Variants in HEMK2 observed in about 807,000 individuals in gnomAD.
HEMK2 encodes the protein HemK methyltransferase 2, ETF1 glutamine and histone H4 lysine, also known as methyltransferase HEMK2.
chr21:28,642,247 G>A, the HEMK2 span, among the ~76,000 whole-genome samples: 2 of 152,124 alleles, frequency 1.3e-5, no homozygotes, highest in Non-Finnish European at 2.9e-5. Context: ...TTGAAAAGCT[G>A]AAATCCTAAC....
the HEMK2 span, among the ~76,000 whole-genome samples, chr21:28,782,276 T>A: frequency 6.6e-6 from 1 of 152,230 alleles, no homozygotes; most frequent in African/African-American, 2.4e-5. Context: ...CACCTAATAC[T>A]ATAATATACA....
At chr21:28,831,572 AAAG>A in the HEMK2 span, among the ~76,000 whole-genome samples, 3 of 76,754 alleles carry the variant, frequency 3.9e-5, no homozygotes, top group Non-Finnish European at 6.9e-5. Context: ...AGAAGGAAAG[AAAG>A]AAAGAAGGAA....
the HEMK2 span, among the ~76,000 whole-genome samples, chr21:28,599,298 A>T: frequency 6.6e-6 from 1 of 152,174 alleles, no homozygotes; most frequent in African/African-American, 2.4e-5. Flanking sequence ...AGTTTAATGG[A>T]TTCACAGTTC....
the HEMK2 span, among the ~76,000 whole-genome samples, chr21:28,706,010 A>T: frequency 6.6e-6 from 1 of 152,188 alleles, no homozygotes; most frequent in African/African-American, 2.4e-5. Context: ...TTAATATCAC[A>T]TCTTCAAAGT....
chr21:28,704,095 A>T, the HEMK2 span, among the ~76,000 whole-genome samples: 1 of 152,144 alleles, frequency 6.6e-6, no homozygotes, highest in Non-Finnish European at 1.5e-5. Context: ...ACCCCTTGAT[A>T]TATAAACAGT....
chr21:28,852,633 C>T, the HEMK2 span, among the ~76,000 whole-genome samples: 1 of 152,124 alleles, frequency 6.6e-6, no homozygotes, highest in Non-Finnish European at 1.5e-5. Flanking sequence ...GGGGTCCTTA[C>T]ACAAAAAGAC....
the HEMK2 span, among the ~76,000 whole-genome samples, chr21:28,741,409 A>T: frequency 6.6e-6 from 1 of 152,164 alleles, no homozygotes; most frequent in Non-Finnish European, 1.5e-5. Flanking sequence ...TTATTTTAAG[A>T]TTTTAAGTTC....
chr21:28,773,999 A>G, the HEMK2 span, among the ~76,000 whole-genome samples: 2 of 152,124 alleles, frequency 1.3e-5, no homozygotes, highest in Non-Finnish European at 2.9e-5. Context: ...TTTCCTTATC[A>G]TTTGCAATTC....
At chr21:28,840,030 T>C in the HEMK2 span, among the ~76,000 whole-genome samples, 1 of 152,088 alleles carries the variant, frequency 6.6e-6, no homozygotes, top group African/African-American at 2.4e-5. Flanking sequence ...CAAAGACCAA[T>C]GGAACAGAAG....
chr21:28,734,157 C>A, the HEMK2 span, among the ~76,000 whole-genome samples: 1 of 152,306 alleles, frequency 6.6e-6, no homozygotes, highest in African/African-American at 2.4e-5. Context: ...GCTTCACACA[C>A]CTGCCTGATT....
the HEMK2 span, among the ~76,000 whole-genome samples, chr21:28,802,678 CTGAGA>C: frequency 3.4e-4 from 52 of 152,274 alleles, no homozygotes; most frequent in African/African-American, 1.1e-3. Flanking sequence ...TTGCAGTGAG[CTGAGA>C]TAACATCACT....
chr21:28,634,264 G>C, the HEMK2 span, among the ~76,000 whole-genome samples: 1 of 152,142 alleles, frequency 6.6e-6, no homozygotes, highest in Admixed American at 6.5e-5. Flanking sequence ...AGTGTGCAAG[G>C]GGGGAATCCT....
chr21:28,852,316 T>C, the HEMK2 span, among the ~76,000 whole-genome samples: 3 of 152,228 alleles, frequency 2.0e-5, no homozygotes, highest in Non-Finnish European at 4.4e-5. Flanking sequence ...ATGCCAATTA[T>C]GCATTCTGGC....
the HEMK2 span, among the ~76,000 whole-genome samples, chr21:28,602,008 C>T: frequency 6.6e-6 from 1 of 152,212 alleles, no homozygotes; most frequent in Non-Finnish European, 1.5e-5. Context: ...CCATTTAATT[C>T]ATTGTACATT....
At chr21:28,837,563 CACATCCCTAAACACGT>C in the HEMK2 span, among the ~76,000 whole-genome samples, 1 of 152,126 alleles carries the variant, frequency 6.6e-6, no homozygotes, top group Non-Finnish European at 1.5e-5. Context: ...GTGGAAAGTT[CACATCCCTAAACACGT>C]ACATCAAAAA....
the HEMK2 span, among the ~76,000 whole-genome samples, chr21:28,618,921 A>G: frequency 6.6e-6 from 1 of 152,200 alleles, no homozygotes; most frequent in Non-Finnish European, 1.5e-5. Context: ...AAAAAAATTC[A>G]TGTAAAGTCC....
At chr21:28,758,560 G>T in the HEMK2 span, among the ~76,000 whole-genome samples, 1 of 152,164 alleles carries the variant, frequency 6.6e-6, no homozygotes, top group Non-Finnish European at 1.5e-5. Context: ...GAACTATGAA[G>T]TTGGAGAAAA....
the HEMK2 span, among the ~76,000 whole-genome samples, chr21:28,671,460 C>T: frequency 6.6e-6 from 1 of 152,168 alleles, no homozygotes; most frequent in Non-Finnish European, 1.5e-5. Context: ...GAATCCTCTT[C>T]ATATATCCAG....
At chr21:28,830,751 C>A in the HEMK2 span, among the ~76,000 whole-genome samples, 1 of 151,966 alleles carries the variant, frequency 6.6e-6, no homozygotes. Context: ...GTGGCAGGCG[C>A]ATGCAATCCC....
Sources: allele counts gnomAD v4.1 joint callset (sites outside exome capture counted in the v4.1 genomes callset), GRCh38; gene constraint gnomAD v4.1.1; transcripts MANE v1.5; gene names NCBI Gene and HGNC (gene_info 2026-07-23, HGNC 2026-07-21).